The following TMEM131 variants were observed in gnomAD, a reference collection of about 807,000 sequenced individuals.
TMEM131 encodes 2610524E03Rik.
A neutral mutation model predicts 211.6 loss-of-function variants in TMEM131; 66 were observed. The observed-to-expected ratio is 0.31, with a 90% confidence interval of 0.26 to 0.38. TMEM131 has a LOEUF of 0.38. Ranked by LOEUF, TMEM131 falls within the 10% of genes least tolerant of loss-of-function variation. TMEM131 has a pLI of 1.00. For missense variants in TMEM131, 2,036 were observed against 2,299.3 expected (o/e 0.89, Z 2.34); for synonymous variants, 844 against 841.3 (o/e 1.00, Z -0.06).
rs538185746 is a variant in TMEM131, at chr2:97,947,840, A to G, written c.188-20353T>C. On this transcript the variant is annotated intron_variant, in intron 1 of 40. Transcript: ENST00000186436. ...ATGGTATAAAACTGACACAGATAAC[A>G]GATGTGTGAAATAGAACAGAGACTC... Among the ~76,000 whole-genome samples the G allele has an allele frequency of 3.9e-4, 60 of 152,326 alleles. 1 individual carries two copies. Among genetic ancestry groups the G allele is most frequent in the Non-Finnish European group, 7.2e-4 (49 of 68,006 alleles).
rs1166397047 is a variant in TMEM131 at position 97,927,410 on chromosome 2, C to T, written c.249+16G>A. The T allele has an allele frequency of 1.6e-5, 25 of 1,575,438 alleles. No homozygotes were observed. Among genetic ancestry groups the T allele is most frequent in the Non-Finnish European group, 2.2e-5 (25 of 1,162,502 alleles). On this transcript the variant is annotated intron_variant, in intron 2 of 40. Coordinates refer to ENST00000186436, the MANE Select transcript of TMEM131 (RefSeq NM_015348.2). ...TCAAGGCTTAACAATAACTTGTCTA[C>T]TTAAAAAAAAATTACCTGTAGTAGC...
At chr2:97,772,271 T>C (rs1679503056) in intron 33 of TMEM131, 26 bp downstream of exon 33, 1 of 1,586,122 alleles carries the variant, frequency 6.3e-7, no homozygotes, top group Non-Finnish European at 8.5e-7. Flanking sequence ...ATAGACCTTA[T>C]TTCTCTGTAC....
At chr2:97,924,538 T>C (rs11678591) in intron 2 of TMEM131, among the ~76,000 whole-genome samples, 50,726 of 152,044 alleles carry the variant, frequency 0.33, 9,320 homozygotes, top group Non-Finnish European at 0.39. Flanking sequence ...TCCCTGCCTG[T>C]GGTACACCTG....
rs1014542231 is a variant in TMEM131, at chr2:97,814,040, G to T, written c.1548C>A (p.Asn516Lys). ...MPSTSSMHID[N>K]NILLITNASK... ...AAGCATTGGTAATAAGTAAAATGTT[G>T]TTATCAATGTGCATGGATGATGTGG... The change falls in exon 15 of 41, where the codon AAC becomes AAA. Residue 516 changes from asparagine (N) to lysine (K), a missense_variant. By Grantham distance (94) the Asn-to-Lys change is moderately conservative. Around this residue, in one of 3 missense-constraint regions of TMEM131, gnomAD observed 1,623 missense variants for 1,805.9 expected, o/e 0.90. Coordinates refer to ENST00000186436, the MANE Select transcript of TMEM131 (RefSeq NM_015348.2). 1 of 1,601,318 alleles carries T rather than the reference G, an allele frequency of 6.2e-7. No homozygotes were observed. The highest frequency in any genetic ancestry group is 8.5e-7 in the Non-Finnish European group (1 of 1,172,880).
intron 24 of TMEM131, 138 bp from the exon 25 acceptor site, chr2:97,802,099 C>A (rs2104925480): frequency 1.8e-6 from 1 of 543,580 alleles, no homozygotes; most frequent in Non-Finnish European, 3.1e-6. Context: ...AGATTTATAG[C>A]CTTAAGAAAA....
intron 1 of TMEM131, among the ~76,000 whole-genome samples, chr2:97,977,213 T>C (rs1340001554): frequency 1.3e-5 from 2 of 152,336 alleles, no homozygotes; most frequent in African/African-American, 2.4e-5. Flanking sequence ...AAGACTGTTA[T>C]GAGAATAAAA....
intron 33 of TMEM131, among the ~76,000 whole-genome samples, chr2:97,767,338 A>G (rs1679220902): frequency 6.6e-6 from 1 of 152,240 alleles, no homozygotes; most frequent in African/African-American, 2.4e-5. Flanking sequence ...GGGAGACAGC[A>G]GCTGGAAAGA....
At chr2:97,757,780 C>T (rs1354923460) in intron 40 of TMEM131, among the ~76,000 whole-genome samples, 1 of 152,240 alleles carries the variant, frequency 6.6e-6, no homozygotes, top group Non-Finnish European at 1.5e-5. Context: ...TATTGGAACA[C>T]AGCTGCGCCC....
At chr2:97,865,595 A>G (rs941051600) in intron 4 of TMEM131, among the ~76,000 whole-genome samples, 4 of 152,008 alleles carry the variant, frequency 2.6e-5, no homozygotes, top group Non-Finnish European at 4.4e-5. Flanking sequence ...TTCTTGAGAT[A>G]AATGTCACTT....
At chr2:97,922,930 C>T (rs1676806360) in intron 2 of TMEM131, among the ~76,000 whole-genome samples, 1 of 152,110 alleles carries the variant, frequency 6.6e-6, no homozygotes, top group Admixed American at 6.5e-5. Context: ...GAATCAAAAT[C>T]GTATACTCTT....
At chr2:97,853,429 T>C (rs1477327483) in intron 5 of TMEM131, among the ~76,000 whole-genome samples, 2 of 91,532 alleles carry the variant, frequency 2.2e-5, no homozygotes, top group Non-Finnish European at 4.6e-5. Flanking sequence ...ATCCCATCTC[T>C]ACTAAAAAAA....
intron 1 of TMEM131, among the ~76,000 whole-genome samples, chr2:97,932,688 T>C (rs1677280498): frequency 6.6e-6 from 1 of 152,220 alleles, no homozygotes; most frequent in South Asian, 2.1e-4. Flanking sequence ...GTAGAACTAA[T>C]GCTCAAGAAC....
chr2:97,782,236 C>T (rs1239320745), intron 31 of TMEM131, among the ~76,000 whole-genome samples: 11 of 152,210 alleles, frequency 7.2e-5, no homozygotes, highest in Admixed American at 7.2e-4. Context: ...ACTCCCAGCC[C>T]TACCCAGCAG....
At chr2:97,924,728 A>T (rs1341835680) in intron 2 of TMEM131, among the ~76,000 whole-genome samples, 2 of 152,194 alleles carry the variant, frequency 1.3e-5, no homozygotes, top group African/African-American at 4.8e-5. Flanking sequence ...GAGATGCTCC[A>T]GGTTTTGAGG....
chr2:97,941,317 A>C (rs1018410633), intron 1 of TMEM131, among the ~76,000 whole-genome samples: 2 of 152,196 alleles, frequency 1.3e-5, no homozygotes, highest in African/African-American at 2.4e-5. Context: ...TTATACAAAA[A>C]TTAATTCAAG....
chr2:97,895,829 T>A (rs546733085), intron 3 of TMEM131, among the ~76,000 whole-genome samples: 1 of 152,306 alleles, frequency 6.6e-6, no homozygotes, highest in African/African-American at 2.4e-5. Context: ...CCTGGATTCA[T>A]TGATTTTTTG....
chr2:97,810,253 C>T (rs776411818), intron 18 of TMEM131, among the ~76,000 whole-genome samples: 4 of 151,874 alleles, frequency 2.6e-5, no homozygotes, highest in Non-Finnish European at 5.9e-5. Flanking sequence ...AGTTAGAATC[C>T]CATCCCATAC....
rs779199270 is a variant in TMEM131 at position 97,792,475 on chromosome 2, T to G, written c.4055A>C (p.Glu1352Ala). 1.2e-5 allele frequency: 20 copies of G among 1,613,658 alleles called. No individual in the cohort carries two copies. In the Middle Eastern group the frequency reaches 6.6e-4, roughly 53 times the overall value. The change falls in exon 31 of 41, where the codon GAA (glutamate) becomes GCA (alanine). Residue 1352 changes from glutamate to alanine, a missense_variant. Coordinates refer to ENST00000186436, the MANE Select transcript of TMEM131 (RefSeq NM_015348.2). Reference sequence around the variant, plus strand: ...GTGGTCGAAGTCTTTGTCCATGGCTTCTATGAGACTGGTGATGTCCGAGTC... The same window carrying G: ...GTGGTCGAAGTCTTTGTCCATGGCTGCTATGAGACTGGTGATGTCCGAGTC... The part of the protein sequence containing the change: ...SEDSDITSLI[E>A]AMDKDFDHHD...
At chr2:97,993,067 T>G (rs921595434) in intron 1 of TMEM131, among the ~76,000 whole-genome samples, 4 of 152,188 alleles carry the variant, frequency 2.6e-5, no homozygotes, top group Non-Finnish European at 5.9e-5. Context: ...AAAACTACAT[T>G]AGGTAATTTA....
Sources: gnomAD v4.1 joint callset for allele counts (sites outside exome capture counted in the v4.1 genomes callset) on GRCh38, gnomAD v4.1.1 for gene constraint, gnomAD v4.1.1 regional missense constraint, MANE v1.5 for transcripts, NCBI Gene and HGNC (gene_info 2026-07-23, HGNC 2026-07-21) for gene names.